Variants in CACNA2D3 observed in about 807,000 individuals in gnomAD.
The protein encoded by CACNA2D3 is voltage-dependent calcium channel subunit alpha-2/delta-3.
A neutral mutation model predicts 160.6 loss-of-function variants in CACNA2D3; 60 were observed. That is an observed-to-expected ratio of 0.37 (90% CI 0.30 to 0.46). CACNA2D3 has a LOEUF of 0.46. Ranked by LOEUF, CACNA2D3 falls within the 20% of genes least tolerant of loss-of-function variation. The pLI, the probability that CACNA2D3 is intolerant of heterozygous loss-of-function variation, is 1.00. For missense variants in CACNA2D3, 1,205 were observed against 1,365.0 expected, an observed-to-expected ratio of 0.88 and a Z score of 1.85; for synonymous variants, 558 against 492.9, an observed-to-expected ratio of 1.13 and a Z score of -1.75.
intron 11 of CACNA2D3, among the ~76,000 whole-genome samples, chr3:54,682,617 G>GA (rs1172496534): frequency 6.6e-6 from 1 of 151,622 alleles, no homozygotes; most frequent in Non-Finnish European, 1.5e-5. Flanking sequence ...ACTCAAAAAA[G>GA]AAAAAAGAAA....
chr3:54,337,971 C>T (rs1008060234), intron 3 of CACNA2D3, among the ~76,000 whole-genome samples: 3 of 152,174 alleles, frequency 2.0e-5, no homozygotes, highest in Non-Finnish European at 4.4e-5. Context: ...GCATCCAAAA[C>T]GTTTGGGTGC....
chr3:54,797,399 T>C (rs1702887159), intron 13 of CACNA2D3, among the ~76,000 whole-genome samples: 1 of 152,146 alleles, frequency 6.6e-6, no homozygotes, highest in African/African-American at 2.4e-5. Flanking sequence ...TTTCAGTAGG[T>C]GGTAGAAGCC....
At chr3:54,791,258 C>T (rs1314487104) in intron 13 of CACNA2D3, among the ~76,000 whole-genome samples, 1 of 152,190 alleles carries the variant, frequency 6.6e-6, no homozygotes, top group Non-Finnish European at 1.5e-5. Flanking sequence ...ATGTGGGTTA[C>T]ACCCATTTAT....
intron 2 of CACNA2D3, among the ~76,000 whole-genome samples, chr3:54,196,013 C>T (rs1701072786): frequency 6.6e-6 from 1 of 152,210 alleles, no homozygotes; most frequent in African/African-American, 2.4e-5. Flanking sequence ...GGAGGAGTCA[C>T]ATCACCGAGG....
At chr3:54,511,586 T>G (rs1218897760) in intron 5 of CACNA2D3, among the ~76,000 whole-genome samples, 2 of 152,196 alleles carry the variant, frequency 1.3e-5, no homozygotes, top group African/African-American at 4.8e-5. Flanking sequence ...AGGATCTAAT[T>G]TGTTTGTATT....
In CACNA2D3 at chr3:55,018,290, G is replaced by C. The variant is rs1338080985; in HGVS notation, c.2960G>C (p.Gly987Ala). ...GAGCGCACCATCAAGGAGACTACAGGGAATATTGCTTGTGAAGACTGCTCC... is the reference window on the plus strand; with the variant it reads ...GAGCGCACCATCAAGGAGACTACAGCGAATATTGCTTGTGAAGACTGCTCC... Reference protein sequence around the residue: ...VSERTIKETTGNIACEDCSKS... With the variant: ...VSERTIKETTANIACEDCSKS... Residue 987 changes from glycine to alanine, a missense_variant, in exon 35 of 38, where the codon GGG (glycine) becomes GCG (alanine). Transcript: ENST00000474759. The C allele has an allele frequency of 1.9e-6, 3 of 1,611,852 alleles. No homozygotes were observed. The highest frequency in any genetic ancestry group is 1.3e-5 in the African/African-American group (1 of 74,804).
chr3:54,523,722 G>A (rs1701682311), intron 5 of CACNA2D3, among the ~76,000 whole-genome samples: 1 of 151,788 alleles, frequency 6.6e-6, no homozygotes, highest in Non-Finnish European at 1.5e-5. Context: ...TTCTTTTTGG[G>A]TCACTTTTCG....
intron 2 of CACNA2D3, among the ~76,000 whole-genome samples, chr3:54,291,061 A>G (rs1703189572): frequency 6.6e-6 from 1 of 152,216 alleles, no homozygotes; most frequent in Non-Finnish European, 1.5e-5. Context: ...GTATAATAAA[A>G]TAAAATAAAA....
intron 17 of CACNA2D3, among the ~76,000 whole-genome samples, chr3:54,864,414 C>T (rs1036512036): frequency 2.6e-5 from 4 of 152,140 alleles, no homozygotes; most frequent in Non-Finnish European, 4.4e-5. Context: ...GCTAGGACTA[C>T]GGCACACACC....
chr3:54,466,082 T>C (rs1700619979), intron 4 of CACNA2D3, among the ~76,000 whole-genome samples: 1 of 152,234 alleles, frequency 6.6e-6, no homozygotes, highest in South Asian at 2.1e-4. Context: ...GACTTTCTCT[T>C]CTGCCACCAG....
At chr3:54,531,801 T>C (rs968030721) in intron 5 of CACNA2D3, among the ~76,000 whole-genome samples, 3 of 152,248 alleles carry the variant, frequency 2.0e-5, no homozygotes, top group Non-Finnish European at 4.4e-5. Flanking sequence ...ATTTGCAGCA[T>C]TGGCAAAAAT....
At chr3:54,732,133 A>G (rs1443572713) in intron 11 of CACNA2D3, among the ~76,000 whole-genome samples, 1 of 152,160 alleles carries the variant, frequency 6.6e-6, no homozygotes, top group African/African-American at 2.4e-5. Flanking sequence ...AAGGGTGAAA[A>G]GTGTTTATAG....
At chr3:55,008,838 T>C (rs1026802379) in intron 33 of CACNA2D3, among the ~76,000 whole-genome samples, 4 of 149,684 alleles carry the variant, frequency 2.7e-5, no homozygotes, top group African/African-American at 9.8e-5. Context: ...TTTTATGAAG[T>C]TCCATTGTGA....
At chr3:54,762,566 A>T (rs1016407962) in intron 12 of CACNA2D3, among the ~76,000 whole-genome samples, 2 of 152,252 alleles carry the variant, frequency 1.3e-5, no homozygotes, top group Non-Finnish European at 2.9e-5. Context: ...TCAATGCTAA[A>T]CACAAAGGAA....
chr3:55,042,221 G>A (rs905637260), intron 35 of CACNA2D3, among the ~76,000 whole-genome samples: 2 of 152,090 alleles, frequency 1.3e-5, no homozygotes, highest in African/African-American at 4.8e-5. Context: ...TGAAATGTTT[G>A]ATAAAATCCC....
intron 5 of CACNA2D3, among the ~76,000 whole-genome samples, chr3:54,560,964 G>A (rs1413040096): frequency 6.6e-6 from 1 of 152,178 alleles, no homozygotes; most frequent in Admixed American, 6.5e-5. Context: ...TACCACTGCT[G>A]TTTTGGTTAC....
At chr3:54,481,519 C>T (rs1029075282) in intron 4 of CACNA2D3, among the ~76,000 whole-genome samples, 1 of 152,164 alleles carries the variant, frequency 6.6e-6, no homozygotes, top group African/African-American at 2.4e-5. Flanking sequence ...ACAGTTGGAG[C>T]GTGTGAAATG....
At chr3:54,462,800 G>A (rs916500904) in intron 4 of CACNA2D3, among the ~76,000 whole-genome samples, 1 of 151,910 alleles carries the variant, frequency 6.6e-6, no homozygotes, top group African/African-American at 2.4e-5. Flanking sequence ...TGTTGTGTTT[G>A]AATTTGATCC....
At chr3:54,571,612 A>AGTGT (rs58652360) in intron 8 of CACNA2D3, among the ~76,000 whole-genome samples, 1,884 of 136,284 alleles carry the variant, frequency 0.014, 20 homozygotes, top group Admixed American at 0.032. Flanking sequence ...CACTTAACCA[A>AGTGT]GTGTGTGTGT....
Sources: gnomAD v4.1 joint callset for allele counts (sites outside exome capture counted in the v4.1 genomes callset) on GRCh38, gnomAD v4.1.1 for gene constraint, MANE v1.5 for transcripts, NCBI Gene and HGNC (gene_info 2026-07-23, HGNC 2026-07-21) for gene names.